Variants in PRKCE observed in about 807,000 individuals in gnomAD.
PRKCE encodes protein kinase C epsilon.
Under a neutral mutation model 85.4 loss-of-function variants are expected in PRKCE, and 16 were observed. The observed-to-expected ratio is 0.19, with a 90% CI of 0.13 to 0.28. PRKCE has a LOEUF of 0.28. Ranked by LOEUF, PRKCE falls within the 10% of genes least tolerant of loss-of-function variation. The pLI is 1.00. For missense variants in PRKCE, 573 were observed against 975.2 expected (o/e 0.59, Z 5.49); for synonymous variants, 388 against 371.5 (o/e 1.04, Z -0.51).
chr2:45,687,997 C>A (rs568988880), intron 1 of PRKCE, among the ~76,000 whole-genome samples: 1 of 152,328 alleles, frequency 6.6e-6, no homozygotes, highest in East Asian at 1.9e-4. Context: ...ATGTGCTCCT[C>A]CCCACTAGGA....
intron 1 of PRKCE, among the ~76,000 whole-genome samples, chr2:45,716,518 CAAGAAAGAAA>C (rs914144520): frequency 1.4e-5 from 2 of 139,254 alleles, no homozygotes; most frequent in Admixed American, 7.6e-5. Context: ...AAGACTCTGT[CAAGAAAGAAA>C]AAGAAAGAAA....
At chr2:45,744,065 G>C (rs1682821179) in intron 1 of PRKCE, among the ~76,000 whole-genome samples, 1 of 151,678 alleles carries the variant, frequency 6.6e-6, no homozygotes, top group African/African-American at 2.4e-5. Flanking sequence ...AGAGTACTGG[G>C]TTCAAATCCT....
intron 1 of PRKCE, among the ~76,000 whole-genome samples, chr2:45,666,714 G>A (rs373757381): frequency 6.5e-4 from 99 of 152,152 alleles, no homozygotes; most frequent in African/African-American, 2.3e-3. Context: ...GATGCCCAGT[G>A]TTGATGCTTT....
At chr2:45,737,615 C>T (rs1270291887) in intron 1 of PRKCE, among the ~76,000 whole-genome samples, 1 of 151,672 alleles carries the variant, frequency 6.6e-6, no homozygotes. Context: ...GTTCCCCAAG[C>T]GTCTGCCCTA....
At chr2:45,695,203 C>T (rs1458320646) in intron 1 of PRKCE, among the ~76,000 whole-genome samples, 5 of 152,136 alleles carry the variant, frequency 3.3e-5, no homozygotes. Flanking sequence ...TTTTTCTCTT[C>T]TTCTTGACTT....
At chr2:46,137,798 A>G (rs890767359) in intron 11 of PRKCE, among the ~76,000 whole-genome samples, 4 of 151,512 alleles carry the variant, frequency 2.6e-5, no homozygotes, top group Admixed American at 2.0e-4. Context: ...AGTTAGAAGT[A>G]GAATTTGACC....
At chr2:46,132,026 G>GA (rs988393364) in intron 11 of PRKCE, among the ~76,000 whole-genome samples, 2 of 152,060 alleles carry the variant, frequency 1.3e-5, no homozygotes, top group East Asian at 1.9e-4. Flanking sequence ...AGCATAAAAA[G>GA]AAAAAATAAA....
At chr2:45,677,732 C>T (rs769081171) in intron 1 of PRKCE, 158 of 332,234 alleles carry the variant, frequency 4.8e-4, no homozygotes, top group Non-Finnish European at 6.1e-4. Flanking sequence ...GGTATTTAGC[C>T]TGGTAAAGAT....
chr2:45,671,709 A>G (rs1409362499), intron 1 of PRKCE, among the ~76,000 whole-genome samples: 4 of 152,200 alleles, frequency 2.6e-5, no homozygotes, highest in African/African-American at 9.7e-5. Context: ...GATATTCATT[A>G]AATCTTCATT....
chr2:46,104,424 G>A (rs998567257), intron 11 of PRKCE, among the ~76,000 whole-genome samples: 2 of 151,222 alleles, frequency 1.3e-5, no homozygotes, highest in African/African-American at 4.9e-5. Flanking sequence ...ATTGTTTCAG[G>A]CTTAATGGCT....
chr2:45,980,037 C>T (rs917791409), intron 4 of PRKCE, among the ~76,000 whole-genome samples: 5 of 152,136 alleles, frequency 3.3e-5, no homozygotes, highest in Admixed American at 6.5e-5. Flanking sequence ...ATCAGTACTC[C>T]CTCAACTGGA....
chr2:46,011,855 C>T (rs1453254300), intron 10 of PRKCE, among the ~76,000 whole-genome samples: 1 of 152,164 alleles, frequency 6.6e-6, no homozygotes, highest in Non-Finnish European at 1.5e-5. Flanking sequence ...TCCTATCCTT[C>T]TGATCTCTCA....
At chr2:45,857,084 G>T (rs1013228912) in intron 2 of PRKCE, among the ~76,000 whole-genome samples, 1 of 152,162 alleles carries the variant, frequency 6.6e-6, no homozygotes, top group African/African-American at 2.4e-5. Context: ...GGGATTGCTG[G>T]ATCATATGGT....
At chr2:45,769,811 C>T (rs1229042098) in intron 1 of PRKCE, among the ~76,000 whole-genome samples, 2 of 152,244 alleles carry the variant, frequency 1.3e-5, no homozygotes, top group African/African-American at 2.4e-5. Context: ...TTGCTAAGTG[C>T]ATCCTTGTCT....
chr2:45,961,541 T>G (rs1701378488), intron 2 of PRKCE, among the ~76,000 whole-genome samples: 1 of 152,216 alleles, frequency 6.6e-6, no homozygotes, highest in African/African-American at 2.4e-5. Context: ...TTTCACACCC[T>G]TTCCATGTTC....
chr2:45,958,003 C>A (rs1340549104), intron 2 of PRKCE, among the ~76,000 whole-genome samples: 1 of 150,966 alleles, frequency 6.6e-6, no homozygotes, highest in Admixed American at 6.6e-5. Context: ...CAGAGCTGGC[C>A]TGCTGAATGA....
chr2:45,699,971 C>T (rs946957856), intron 1 of PRKCE, among the ~76,000 whole-genome samples: 2 of 152,030 alleles, frequency 1.3e-5, no homozygotes, highest in Non-Finnish European at 2.9e-5. Context: ...TGATAGCTCT[C>T]TGGTTTTCCT....
intron 2 of PRKCE, among the ~76,000 whole-genome samples, chr2:45,888,886 G>A (rs909259705): frequency 6.6e-6 from 1 of 151,942 alleles, no homozygotes; most frequent in Non-Finnish European, 1.5e-5. Flanking sequence ...CTCAAGTACA[G>A]ATGGTGCTCT....
chr2:46,097,537 A>AAAAAAAAAAAAACT (rs1553345733), intron 11 of PRKCE, among the ~76,000 whole-genome samples: 1 of 143,740 alleles, frequency 7.0e-6, no homozygotes, highest in African/African-American at 2.5e-5. Flanking sequence ...AAAAAAAAAA[A>AAAAAAAAAAAAACT]GCTGTGAAGT....
Sources: gnomAD v4.1 joint callset for allele counts (sites outside exome capture counted in the v4.1 genomes callset) on GRCh38, gnomAD v4.1.1 for gene constraint, MANE v1.5 for transcripts, NCBI Gene and HGNC (gene_info 2026-07-23, HGNC 2026-07-21) for gene names.